Variants in ZBTB7C observed in about 807,000 individuals in gnomAD.
The protein encoded by ZBTB7C is zinc finger and BTB domain containing 7C.
A neutral mutation model predicts 25.7 loss-of-function variants in ZBTB7C; 8 were observed. That is an observed-to-expected ratio of 0.31 (90% CI 0.18 to 0.56). The LOEUF (loss-of-function observed/expected upper bound fraction) is 0.56. Ranked by LOEUF, ZBTB7C falls within the 20% of genes least tolerant of loss-of-function variation. ZBTB7C has a pLI of 0.91. For missense variants in ZBTB7C, 824 were observed against 855.2 expected (o/e 0.96, Z 0.46); for synonymous variants, 394 against 369.0 (o/e 1.07, Z -0.78).
chr18:48,145,761 T>C (rs1199478461), intron 3 of ZBTB7C, among the ~76,000 whole-genome samples: 1 of 152,238 alleles, frequency 6.6e-6, no homozygotes, highest in East Asian at 1.9e-4. Context: ...TGTTTATGTG[T>C]GCATGTATGT....
intron 2 of ZBTB7C, among the ~76,000 whole-genome samples, chr18:48,259,907 T>C (rs1033254882): frequency 7.9e-5 from 12 of 152,232 alleles, no homozygotes; most frequent in African/African-American, 2.9e-4. Flanking sequence ...CCTATATCAC[T>C]GATAGGAATG....
intron 1 of ZBTB7C, among the ~76,000 whole-genome samples, chr18:48,392,657 T>G (rs1017723648): frequency 6.6e-6 from 1 of 152,134 alleles, no homozygotes; most frequent in African/African-American, 2.4e-5. Flanking sequence ...CTCTCCCCTA[T>G]CCCACAAACA....
chr18:48,190,942 T>A (rs1249877182), intron 2 of ZBTB7C, among the ~76,000 whole-genome samples: 1 of 152,232 alleles, frequency 6.6e-6, no homozygotes, highest in African/African-American at 2.4e-5. Context: ...GACACAAAAT[T>A]GGTGTTGTTC....
intron 3 of ZBTB7C, among the ~76,000 whole-genome samples, chr18:48,120,093 T>A (rs2039578721): frequency 6.6e-6 from 1 of 152,134 alleles, no homozygotes; most frequent in African/African-American, 2.4e-5. Context: ...GCTCTCTGGG[T>A]ACAGCCCTCT....
At chr18:48,389,461 A>ATTTTTTTTTTTTTTT (rs138527928) in intron 1 of ZBTB7C, among the ~76,000 whole-genome samples, 2 of 97,658 alleles carry the variant, frequency 2.0e-5, no homozygotes, top group Non-Finnish European at 4.0e-5. Context: ...TGACTCTTGG[A>ATTTTTTTTTTTTTTT]TTTTTTTTTT....
intron 2 of ZBTB7C, among the ~76,000 whole-genome samples, chr18:48,288,007 T>A (rs955611951): frequency 5.9e-5 from 9 of 152,200 alleles, no homozygotes; most frequent in Admixed American, 1.3e-4. Flanking sequence ...AGCACAAGGC[T>A]GTCCACCATC....
intron 2 of ZBTB7C, among the ~76,000 whole-genome samples, chr18:48,240,876 TAA>T (rs2144354834): frequency 6.6e-6 from 1 of 152,328 alleles, no homozygotes; most frequent in East Asian, 1.9e-4. Context: ...GTAAATGGTC[TAA>T]ATGCTCCACT....
At chr18:48,035,760 A>ACCTCTGGCCGAAG (rs1481384901) in intron 4 of ZBTB7C, among the ~76,000 whole-genome samples, 1 of 152,172 alleles carries the variant, frequency 6.6e-6, no homozygotes, top group Non-Finnish European at 1.5e-5. Context: ...CCTAGGCATC[A>ACCTCTGGCCGAAG]CCTCTGGCCG....
intron 2 of ZBTB7C, among the ~76,000 whole-genome samples, chr18:48,245,092 G>GTGTGTGTATATATATATATATATATATA (rs1555723392): frequency 7.9e-6 from 1 of 126,294 alleles, no homozygotes; most frequent in African/African-American, 3.2e-5. Flanking sequence ...GTGTGTGTGT[G>GTGTGTGTATATATATATATATATATATA]TATATATATA....
chr18:48,082,986 C>T (rs980366723), intron 3 of ZBTB7C, among the ~76,000 whole-genome samples: 47 of 152,112 alleles, frequency 3.1e-4, no homozygotes, highest in Non-Finnish European at 2.9e-5. Flanking sequence ...CCTCAGTGTT[C>T]TTAAAATGAA....
intron 4 of ZBTB7C, 31 bp downstream of exon 4, chr18:48,039,869 G>T (rs200699954): frequency 6.2e-7 from 1 of 1,602,902 alleles, no homozygotes; most frequent in Non-Finnish European, 8.5e-7. Context: ...CTCTGGCCCC[G>T]TGCCCCACAC....
At chr18:48,081,773 A>G (rs2037995416) in intron 3 of ZBTB7C, among the ~76,000 whole-genome samples, 1 of 152,166 alleles carries the variant, frequency 6.6e-6, no homozygotes, top group African/African-American at 2.4e-5. Context: ...CCTGGAAGCC[A>G]TTAGCCACAC....
At chr18:48,270,426 T>C (rs2044446420) in intron 2 of ZBTB7C, among the ~76,000 whole-genome samples, 1 of 151,432 alleles carries the variant, frequency 6.6e-6, no homozygotes, top group Non-Finnish European at 1.5e-5. Context: ...CTGGACGCAG[T>C]GGCTTATGCC....
intron 1 of ZBTB7C, among the ~76,000 whole-genome samples, chr18:48,394,896 G>A (rs771238635): frequency 3.2e-4 from 49 of 152,190 alleles, no homozygotes; most frequent in African/African-American, 7.7e-4. Context: ...AAACGGCGAC[G>A]CGTATGTGTA....
intron 2 of ZBTB7C, among the ~76,000 whole-genome samples, chr18:48,226,494 T>C (rs1013003578): frequency 6.6e-6 from 1 of 152,256 alleles, no homozygotes; most frequent in African/African-American, 2.4e-5. Flanking sequence ...TAGAGGTATT[T>C]AAGGCTAATT....
chr18:48,089,478 C>T (rs529622678), intron 3 of ZBTB7C, among the ~76,000 whole-genome samples: 79 of 80,194 alleles, frequency 9.9e-4, no homozygotes, highest in African/African-American at 2.8e-3. Context: ...GACTCCATCT[C>T]GAAAAAAAAA....
chr18:48,199,097 G>T (rs2042379033), intron 2 of ZBTB7C, among the ~76,000 whole-genome samples: 2 of 152,244 alleles, frequency 1.3e-5, no homozygotes, highest in Non-Finnish European at 2.9e-5. Flanking sequence ...AAAGTCTAAT[G>T]CTGTTCTGTG....
chr18:48,343,618 A>G (rs2046655904), intron 1 of ZBTB7C, among the ~76,000 whole-genome samples: 1 of 152,162 alleles, frequency 6.6e-6, no homozygotes, highest in Non-Finnish European at 1.5e-5. Flanking sequence ...GACCTTGGGT[A>G]AGCAACTTAA....
chr18:48,200,360 G>A (rs547477304), intron 2 of ZBTB7C, among the ~76,000 whole-genome samples: 39 of 151,998 alleles, frequency 2.6e-4, no homozygotes, highest in African/African-American at 7.7e-4. Flanking sequence ...CTGTGTGGCC[G>A]GTGTTTGTAG....
Sources: gnomAD v4.1 joint callset for allele counts (sites outside exome capture counted in the v4.1 genomes callset) on GRCh38, gnomAD v4.1.1 for gene constraint, MANE v1.5 for transcripts, NCBI Gene and HGNC (gene_info 2026-07-23, HGNC 2026-07-21) for gene names.